Variants in ADK observed in about 807,000 individuals in gnomAD.
ADK encodes the protein N6,N6-dimethyladenosine kinase.
Under a neutral mutation model 44.7 loss-of-function variants are expected in ADK, and 24 were observed. That is an observed-to-expected ratio of 0.54 (90% confidence interval 0.39 to 0.76). ADK has a LOEUF of 0.76. ADK is among the 30% of genes least tolerant of loss of function. The pLI is 0.00. For missense variants in ADK, 321 were observed against 425.1 expected, an observed-to-expected ratio of 0.76 and a Z score of 2.15; for synonymous variants, 128 against 142.6, an observed-to-expected ratio of 0.90 and a Z score of 0.73.
intron 7 of ADK, among the ~76,000 whole-genome samples, chr10:74,581,556 C>G (rs952261674): frequency 6.6e-6 from 1 of 151,944 alleles, no homozygotes. Flanking sequence ...TGTAAACCCA[C>G]AAATCCAAAA....
At chr10:74,411,427 G>A (rs1004964844) in intron 6 of ADK, among the ~76,000 whole-genome samples, 1 of 152,070 alleles carries the variant, frequency 6.6e-6, no homozygotes, top group Non-Finnish European at 1.5e-5. Flanking sequence ...TCACAATAAA[G>A]CAAGTCACAT....
At chr10:74,422,698 T>C (rs914828011) in intron 6 of ADK, among the ~76,000 whole-genome samples, 7 of 152,350 alleles carry the variant, frequency 4.6e-5, no homozygotes, top group Middle Eastern at 3.4e-3. Context: ...GGTTACATGT[T>C]GAAGAAAACA....
At chr10:74,326,923 TCTC>T (rs1304940184) in intron 4 of ADK, among the ~76,000 whole-genome samples, 8 of 151,974 alleles carry the variant, frequency 5.3e-5, no homozygotes, top group African/African-American at 1.9e-4. Flanking sequence ...ATTTGTGTCT[TCTC>T]CTTTTTTTCT....
Position 74,419,759 on chromosome 10 carries a change from G to A in ADK, c.555+21180G>A, listed in dbSNP as rs528813467. ...TTTGTAATTAAAATGATAAAACATCGTTATTACATTGAAGACCTTCTGTAA... is the reference window on the plus strand; with the variant it reads ...TTTGTAATTAAAATGATAAAACATCATTATTACATTGAAGACCTTCTGTAA... On this transcript the variant is annotated intron_variant, in intron 6 of 10. Coordinates refer to ENST00000539909, the MANE Select transcript of ADK (RefSeq NM_006721.4). 2.3e-3 allele frequency among the ~76,000 whole-genome samples: 345 copies of A among 152,168 alleles called. 2 individuals are homozygous for A. Among genetic ancestry groups the A allele is most frequent in the African/African-American group, 7.7e-3 (320 of 41,520 alleles).
At chr10:74,463,410 G>A (rs1226316766) in intron 6 of ADK, among the ~76,000 whole-genome samples, 2 of 152,076 alleles carry the variant, frequency 1.3e-5, no homozygotes, top group Non-Finnish European at 2.9e-5. Flanking sequence ...AGATCATCAG[G>A]CACTAGATTC....
chr10:74,405,510 G>A (rs1326506528), intron 6 of ADK, among the ~76,000 whole-genome samples: 6 of 150,924 alleles, frequency 4.0e-5, no homozygotes, highest in African/African-American at 9.8e-5. Context: ...TAGGGTACAC[G>A]TGCACAACAT....
intron 4 of ADK, among the ~76,000 whole-genome samples, chr10:74,331,793 A>G (rs1040988456): frequency 1.3e-4 from 20 of 152,216 alleles, no homozygotes; most frequent in African/African-American, 4.6e-4. Flanking sequence ...GCCAACATTT[A>G]TATTTCTTTA....
chr10:74,605,273 A>T (rs1852278682), intron 9 of ADK, among the ~76,000 whole-genome samples: 1 of 152,148 alleles, frequency 6.6e-6, no homozygotes, highest in Non-Finnish European at 1.5e-5. Context: ...AGAACTTCCA[A>T]TACCATGTTG....
intron 4 of ADK, among the ~76,000 whole-genome samples, chr10:74,334,310 G>A (rs764732070): frequency 6.7e-4 from 102 of 152,264 alleles, no homozygotes; most frequent in South Asian, 1.5e-3. Flanking sequence ...ATAAACTTGA[G>A]ACATGAGATA....
chr10:74,407,854 A>G (rs966408070), intron 6 of ADK, among the ~76,000 whole-genome samples: 1 of 152,016 alleles, frequency 6.6e-6, no homozygotes, highest in African/African-American at 2.4e-5. Context: ...TATTTTGTTC[A>G]TTGTTAGTTG....
intron 9 of ADK, among the ~76,000 whole-genome samples, chr10:74,667,256 G>A (rs893080331): frequency 2.0e-5 from 3 of 152,130 alleles, no homozygotes; most frequent in African/African-American, 4.8e-5. Flanking sequence ...AGGAGTTCTT[G>A]TAGTTCTTTA....
At chr10:74,574,166 C>CTT (rs746368755) in intron 7 of ADK, among the ~76,000 whole-genome samples, 33 of 134,906 alleles carry the variant, frequency 2.4e-4, no homozygotes, top group African/African-American at 5.7e-4. Flanking sequence ...TACTTTCTTT[C>CTT]TTTTTTTTTT....
At chr10:74,659,654 C>T (rs1206936987) in intron 9 of ADK, among the ~76,000 whole-genome samples, 2 of 152,186 alleles carry the variant, frequency 1.3e-5, no homozygotes, top group East Asian at 1.9e-4. Context: ...CACACAATCA[C>T]AAGGTCCCAC....
intron 3 of ADK, among the ~76,000 whole-genome samples, chr10:74,279,042 A>T (rs1050078000): frequency 6.6e-6 from 1 of 152,134 alleles, no homozygotes; most frequent in Non-Finnish European, 1.5e-5. Context: ...GCACTTTGGG[A>T]GGCTGAGGCA....
chr10:74,169,216 T>TA (rs751777221), intron 1 of ADK, among the ~76,000 whole-genome samples: 84 of 150,970 alleles, frequency 5.6e-4, no homozygotes, highest in Non-Finnish European at 9.3e-4. Flanking sequence ...GACCCTGTCT[T>TA]AAAAAAAAAG....
At chr10:74,277,611 G>A (rs944355201) in intron 3 of ADK, among the ~76,000 whole-genome samples, 5 of 151,908 alleles carry the variant, frequency 3.3e-5, no homozygotes, top group Non-Finnish European at 7.4e-5. Context: ...ATGTTAGCCC[G>A]GATGGTCTCG....
intron 7 of ADK, among the ~76,000 whole-genome samples, chr10:74,588,144 T>C (rs1327239703): frequency 1.3e-5 from 2 of 152,140 alleles, no homozygotes; most frequent in Admixed American, 1.3e-4. Context: ...TTTGCCACTT[T>C]TGCTTCATTT....
At chr10:74,605,288 G>C (rs530730134) in intron 9 of ADK, among the ~76,000 whole-genome samples, 5 of 152,280 alleles carry the variant, frequency 3.3e-5, no homozygotes, top group African/African-American at 1.2e-4. Context: ...ATGTTGAATA[G>C]GAGTGGCGAG....
intron 3 of ADK, among the ~76,000 whole-genome samples, chr10:74,230,989 A>AT (rs571468414): frequency 1.6e-4 from 24 of 149,128 alleles, no homozygotes; most frequent in South Asian, 8.5e-4. Context: ...GCCGCCAGTA[A>AT]TTTTTTTTTT....
Sources: allele counts gnomAD v4.1 joint callset (sites outside exome capture counted in the v4.1 genomes callset), GRCh38; gene constraint gnomAD v4.1.1; transcripts MANE v1.5; gene names NCBI Gene and HGNC (gene_info 2026-07-23, HGNC 2026-07-21).